The following NGLY1 variants were observed in gnomAD, a reference collection of about 807,000 sequenced individuals.
The protein encoded by NGLY1 is peptide-N(4)-(N-acetyl-beta-glucosaminyl)asparagine amidase.
In NGLY1, 68 loss-of-function variants were observed where a neutral mutation model predicts 84.6. The observed-to-expected ratio is 0.80, with a 90% CI of 0.66 to 0.98. NGLY1 has a LOEUF of 0.98. NGLY1 is among the 50% of genes least tolerant of loss of function. The pLI, the probability that NGLY1 is intolerant of heterozygous loss-of-function variation, is 0.00. For missense variants in NGLY1, 779 were observed against 770.2 expected (o/e 1.01, Z -0.14); for synonymous variants, 280 against 275.2 (o/e 1.02, Z -0.17).
In NGLY1 at chr3:25,783,201, A is replaced by C. The variant is rs868088280; in HGVS notation, c.131+59T>G. ...GGCCGGACGCCCCAGTCCCTGGCCG[A>C]ACAAGGTGCCGCGGCCCACCCACCC... On this transcript the variant is annotated intron_variant, in intron 1 of 11. Transcript: ENST00000280700. This position sits in a 1 kb window ranked among gnomAD's most constrained non-coding sequence, Gnocchi z 4.5. 62 of 1,520,806 alleles carry C rather than the reference A, an allele frequency of 4.1e-5. No homozygotes were observed. The Middle Eastern group carries it at 2.3e-3, about 55-fold the overall frequency. 94.2% of individuals were successfully genotyped at this position (1,520,806 alleles called of 1,614,324 possible).
At position 25,720,117 on chromosome 3, in the gene NGLY1, T is replaced by C; in HGVS notation, c.1686A>G (p.Leu562=). 2 of 1,613,966 alleles carry C rather than the reference T, an allele frequency of 1.2e-6. No individual in the cohort carries two copies. Among genetic ancestry groups the C allele is most frequent in the Middle Eastern group, 1.7e-4 (1 of 6,060 alleles). The change falls in exon 11 of 12, where the codon CTA becomes CTG. Residue 562 remains leucine (L), a synonymous_variant. Coordinates refer to ENST00000280700, the MANE Select transcript of NGLY1 (RefSeq NM_018297.4). ...TTCTAATAGAAATGCTATCTACTTTTAGGCCAACTGACCCACACTCAAACT... is the reference window on the plus strand; with the variant it reads ...TTCTAATAGAAATGCTATCTACTTTCAGGCCAACTGACCCACACTCAAACT... ...SWKFECGSVG[L]KVDSISIRTS... is the part of the protein sequence containing the mutation.
intron 10 of NGLY1, among the ~76,000 whole-genome samples, chr3:25,722,227 T>A (rs1023312487): frequency 2.3e-4 from 33 of 143,436 alleles, no homozygotes; most frequent in South Asian, 6.4e-4. Context: ...AAAAAAAAAA[T>A]AAAAATAAAA....
At chr3:25,765,673 G>A (rs1707528248) in intron 2 of NGLY1, among the ~76,000 whole-genome samples, 1 of 152,120 alleles carries the variant, frequency 6.6e-6, no homozygotes, top group African/African-American at 2.4e-5. Context: ...CTCCACGTAT[G>A]ATTCATAATT....
At chr3:25,762,031 C>T (rs1477589899) in intron 3 of NGLY1, among the ~76,000 whole-genome samples, 1 of 152,130 alleles carries the variant, frequency 6.6e-6, no homozygotes, top group Non-Finnish European at 1.5e-5. Context: ...CCACCACTAT[C>T]ATCATTTATT....
chr3:25,758,484 G>T (rs1707147748), intron 3 of NGLY1, among the ~76,000 whole-genome samples: 1 of 152,098 alleles, frequency 6.6e-6, no homozygotes, highest in Non-Finnish European at 1.5e-5. Flanking sequence ...AGGCTGAGGT[G>T]GGAGGATCAT....
intron 4 of NGLY1, chr3:25,749,604 G>A: frequency 4.7e-6 from 7 of 1,476,608 alleles, no homozygotes; most frequent in Non-Finnish European, 5.6e-6. Flanking sequence ...CGGAAACCCA[G>A]AGGTATTGAC....
At chr3:25,721,672 C>T (rs1704996148) in intron 10 of NGLY1, among the ~76,000 whole-genome samples, 1 of 144,564 alleles carries the variant, frequency 6.9e-6, no homozygotes, top group African/African-American at 2.6e-5. Context: ...TGGTGTGAAC[C>T]CGGGGGGCGG....
chr3:25,759,866 G>T (rs1365353492), intron 3 of NGLY1, among the ~76,000 whole-genome samples: 1 of 151,186 alleles, frequency 6.6e-6, no homozygotes, highest in Non-Finnish European at 1.5e-5. Context: ...TCAAATCGTG[G>T]TAATTAATCA....
intron 4 of NGLY1, among the ~76,000 whole-genome samples, chr3:25,746,550 A>G (rs1706444892): frequency 6.6e-6 from 1 of 152,364 alleles, no homozygotes; most frequent in South Asian, 2.1e-4. Context: ...AGGGAACATC[A>G]GCAGATTTTT....
At chr3:25,777,806 G>C (rs1235628603) in intron 2 of NGLY1, 3 of 152,118 alleles carry the variant, frequency 2.0e-5, no homozygotes, top group South Asian at 2.1e-4. Flanking sequence ...CTACTACTTT[G>C]TTCACTACTG....
chr3:25,749,944 CA>C (rs3080321), intron 4 of NGLY1: 29,736 of 460,298 alleles, frequency 0.065, 105 homozygotes, highest in East Asian at 0.088. Context: ...TAAAAACTGC[CA>C]AAAAAAAAAA....
At chr3:25,789,311 G>A (rs1708671716) in intron 1 of NGLY1, among the ~76,000 whole-genome samples, 1 of 151,974 alleles carries the variant, frequency 6.6e-6, no homozygotes, top group Non-Finnish European at 1.5e-5. Context: ...GTGAAAGGAA[G>A]TTTATTAGGA....
At chr3:25,780,879 G>A (rs560845051) in intron 1 of NGLY1, among the ~76,000 whole-genome samples, 1 of 151,974 alleles carries the variant, frequency 6.6e-6, no homozygotes, top group Admixed American at 6.6e-5. Flanking sequence ...CTACAGGTTG[G>A]AGCCACTTCG....
In NGLY1 at chr3:25,764,760, C is replaced by T. The variant is rs1707482531; in HGVS notation, c.247-449G>A. Among the ~76,000 whole-genome samples the T allele has an allele frequency of 1.3e-5, 2 of 152,142 alleles. 1 individual carries two copies. The highest frequency in any genetic ancestry group is 4.1e-4 in the South Asian group (2 of 4,836). On this transcript the variant is annotated intron_variant, in intron 2 of 11. Transcript: ENST00000280700. Reference sequence around the variant, plus strand: ...AGAATCCAGGGTCACATAAAACCAACAAGAAGTTATCTAACAACCTTTGAA... The same window carrying T: ...AGAATCCAGGGTCACATAAAACCAATAAGAAGTTATCTAACAACCTTTGAA...
At position 25,783,129 on chromosome 3, in the gene NGLY1, A is replaced by G; in HGVS notation, c.131+131T>C. The G allele has an allele frequency of 6.1e-6, 5 of 814,438 alleles. No homozygotes were observed. The highest frequency in any genetic ancestry group is 1.8e-5 in the African/African-American group (1 of 54,688). The allele number at this position is 814,438 out of a possible 1,614,324, so 50.5% of individuals were successfully genotyped here. On this transcript the variant is annotated intron_variant, in intron 1 of 11. Transcript: ENST00000280700. This position sits in a 1 kb window ranked among gnomAD's most constrained non-coding sequence, Gnocchi z 4.5. ...GGGCTCGGACGTTAGGAGCAGAACC[A>G]GCTCCAGGTCCCGGTCTGTCCGGGC... is the stretch of plus-strand genomic sequence containing the variant.
At chr3:25,727,613 C>A (rs374554422) in intron 10 of NGLY1, among the ~76,000 whole-genome samples, 1 of 152,128 alleles carries the variant, frequency 6.6e-6, no homozygotes, top group African/African-American at 2.4e-5. Flanking sequence ...GTTAAGATGG[C>A]GGTTTATGCT....
chr3:25,730,729 T>G (rs1440499116), intron 9 of NGLY1, among the ~76,000 whole-genome samples: 1 of 152,168 alleles, frequency 6.6e-6, no homozygotes, highest in Non-Finnish European at 1.5e-5. Context: ...ATAAAATTTA[T>G]TAGTGATAAT....
At chr3:25,754,787 G>GTTTT (rs1262998597) in intron 3 of NGLY1, 4 of 272,418 alleles carry the variant, frequency 1.5e-5, no homozygotes, top group African/African-American at 1.2e-4. Context: ...GATGACTCGT[G>GTTTT]CTTTTTTTTT....
intron 10 of NGLY1, among the ~76,000 whole-genome samples, chr3:25,721,290 C>T (rs1430175872): frequency 6.6e-6 from 1 of 152,254 alleles, no homozygotes; most frequent in African/African-American, 2.4e-5. Flanking sequence ...TGGTCTTGAA[C>T]GCCTGCCTCA....
Sources: gnomAD v4.1 joint callset for allele counts (sites outside exome capture counted in the v4.1 genomes callset) on GRCh38, gnomAD v4.1.1 for gene constraint, Gnocchi (gnomAD v3.1) non-coding constraint, MANE v1.5 for transcripts, NCBI Gene and HGNC (gene_info 2026-07-23, HGNC 2026-07-21) for gene names.